The following DUSP5 variants were observed in gnomAD, a reference collection of about 807,000 sequenced individuals.
DUSP5 encodes dual specificity phosphatase 5, also known as dual specificity protein phosphatase 5.
A neutral mutation model predicts 33.6 loss-of-function variants in DUSP5; 22 were observed. The observed-to-expected ratio is 0.66, with a 90% CI of 0.47 to 0.94. The LOEUF is 0.94. Among genes scored for constraint, DUSP5 ranks in the 40% least tolerant of loss-of-function variants. The pLI is 0.00. For missense variants in DUSP5, 551 were observed against 522.1 expected, an observed-to-expected ratio of 1.06 and a Z score of -0.54; for synonymous variants, 270 against 231.1, an observed-to-expected ratio of 1.17 and a Z score of -1.53.
Position 110,502,981 on chromosome 10 carries a change from T to C in DUSP5, c.528+112T>C, listed in dbSNP as rs533212275. On this transcript the variant is annotated intron_variant, in intron 2 of 3. Transcript: ENST00000369583. ...CCCACTCAGCAATGATGGTTAGTTC[T>C]TTTGTGGATCAGGGTGTTGGCAAAA... 20 of 1,431,632 alleles carry C rather than the reference T, an allele frequency of 1.4e-5. No homozygotes were observed. The African/African-American group carries it at 2.3e-4, about 16-fold the overall frequency. 88.7% of individuals were successfully genotyped at this position (1,431,632 alleles called of 1,614,324 possible). A position where few individuals can be genotyped will look rare whatever the true frequency, so the allele number is the denominator to read the frequency against.
chr10:110,509,802 G>A (rs896906704), intron 3 of DUSP5, among the ~76,000 whole-genome samples: 3 of 152,150 alleles, frequency 2.0e-5, no homozygotes, highest in Non-Finnish European at 2.9e-5. Context: ...GCTGTAAACT[G>A]TAAAGGTCCT....
chr10:110,498,322 C>T lies in DUSP5; in HGVS notation c.201C>T (p.Pro67=), dbSNP rs753917795. 2.2e-6 allele frequency: 3 copies of T among 1,369,664 alleles called. No homozygotes were observed. The highest frequency in any genetic ancestry group is 2.8e-6 in the Non-Finnish European group (3 of 1,064,372). 84.8% of individuals were successfully genotyped at this position (1,369,664 alleles called of 1,614,324 possible). A position where few individuals can be genotyped will look rare whatever the true frequency, so the allele number is the denominator to read the frequency against. Reference sequence around the variant, plus strand: ...CGGTGTCGGCGCGCTACGTGCTGCCCGACGAGGCGGCGCGCGCGCGGCTCC... The same window carrying T: ...CGGTGTCGGCGCGCTACGTGCTGCCTGACGAGGCGGCGCGCGCGCGGCTCC... The part of the protein sequence containing the change: ...GGAVSARYVL[P]DEAARARLLQ... Residue 67 remains proline, a synonymous_variant, in exon 1 of 4, where the codon CCC becomes CCT. Transcript: ENST00000369583.
chr10:110,502,265 A>T (rs1328826447), intron 1 of DUSP5, among the ~76,000 whole-genome samples: 1 of 152,178 alleles, frequency 6.6e-6, no homozygotes, highest in Non-Finnish European at 1.5e-5. Context: ...TTATAAATGG[A>T]GGAGGTTCCA....
rs768380350 is a variant in DUSP5, at chr10:110,510,331, T to G, written c.1060T>G (p.Cys354Gly). Residue 354 changes from cysteine to glycine, a missense_variant, in exon 4 of 4, where the codon TGC becomes GGC. Coordinates refer to ENST00000369583, the MANE Select transcript of DUSP5 (RefSeq NM_004419.4). ...TLSPDMQGAY[C>G]TFPASVLAPV... ...GAGCCCTGACATGCAGGGTGCCTAC[T>G]GCACATTCCCTGCCTCGGTGCTGGC... The G allele has an allele frequency of 6.2e-7, 1 of 1,614,200 alleles. No individual in the cohort carries two copies. Among genetic ancestry groups the G allele is most frequent in the South Asian group, 1.1e-5 (1 of 91,078 alleles).
rs1859975154 is a variant in DUSP5 at position 110,497,947 on chromosome 10, A to G, written c.-175A>G. ...GAGCGGCCGGGCTGGCTATCGAGCGAGCGGGGCGGGAACGCGGAGTTGCGC... is the reference window on the plus strand; with the variant it reads ...GAGCGGCCGGGCTGGCTATCGAGCGGGCGGGGCGGGAACGCGGAGTTGCGC... On this transcript the variant is annotated 5_prime_UTR_variant, in exon 1 of 4. Transcript: ENST00000369583. 2.8e-6 allele frequency: 1 copy of G among 358,324 alleles called. No homozygotes were observed. Among genetic ancestry groups the G allele is most frequent in the Non-Finnish European group, 3.9e-6 (1 of 257,316 alleles). The allele number at this position is 358,324 out of a possible 1,614,324, so 22.2% of individuals were successfully genotyped here.
chr10:110,498,784 G>A (rs1859998372), intron 1 of DUSP5, among the ~76,000 whole-genome samples: 1 of 152,116 alleles, frequency 6.6e-6, no homozygotes, highest in Admixed American at 6.5e-5. Flanking sequence ...CAGTTTGGGG[G>A]CCGTCGGCTC....
intron 2 of DUSP5, among the ~76,000 whole-genome samples, chr10:110,505,133 T>C (rs972161936): frequency 6.6e-5 from 10 of 152,212 alleles, no homozygotes. Context: ...ATTTTTTCCT[T>C]CCTGTCTTTA....
rs771329852 is a variant in DUSP5, at chr10:110,506,956, C to G, written c.550C>G (p.Pro184Ala). The change falls in exon 3 of 4, where the codon CCC becomes GCC. Residue 184 changes from proline to alanine, a missense_variant. This residue lies in a region of DUSP5 where 381 missense variants were observed against 310.4 expected (regional missense o/e 1.23). Transcript: ENST00000369583. ...CCAGGGTGGCCCAGTTGAAATCCTT[C>G]CCTTCCTCTACCTTGGAAGTGCCTA... ...YDQGGPVEIL[P>A]FLYLGSAYHA... is the part of the protein sequence containing the mutation. The G allele has an allele frequency of 6.2e-6, 10 of 1,614,162 alleles. No homozygotes were observed. The highest frequency in any genetic ancestry group is 2.2e-5 in the East Asian group (1 of 44,884).
chr10:110,498,572 C>A, intron 1 of DUSP5, 72 bp downstream of exon 1: 2 of 1,351,618 alleles, frequency 1.5e-6, no homozygotes, highest in South Asian at 1.7e-5. Flanking sequence ...CCGGGGCGCC[C>A]TCCTACACCC....
chr10:110,500,513 C>T (rs982049356), intron 1 of DUSP5, among the ~76,000 whole-genome samples: 16 of 152,216 alleles, frequency 1.1e-4, no homozygotes, highest in African/African-American at 3.6e-4. Context: ...GATAGGAGTT[C>T]AGGTTTTAAT....
intron 1 of DUSP5, 32 bp from the exon 2 acceptor site, chr10:110,502,686 TACC>T: frequency 1.9e-6 from 3 of 1,605,696 alleles, no homozygotes; most frequent in Non-Finnish European, 2.6e-6. Flanking sequence ...AATTGATGCT[TACC>T]ATCTGTCTCA....
rs1395059031 is a variant in DUSP5 at position 110,502,736 on chromosome 10, T to A, written c.395T>A (p.Phe132Tyr). ...GTTTTTGTAGGGGGATATGAGACTT[T>A]CTACTCGGAATATCCTGAGTGTTGC... The part of the protein sequence containing the change: ...VYFLKGGYET[F>Y]YSEYPECCVD... Residue 132 changes from phenylalanine to tyrosine, a missense_variant, in exon 2 of 4, where the codon TTC (phenylalanine) becomes TAC (tyrosine). Physicochemically the swap from Phe to Tyr is conservative, Grantham distance 22. This residue lies in a region of DUSP5 where 381 missense variants were observed against 310.4 expected (regional missense o/e 1.23). Coordinates refer to ENST00000369583, the MANE Select transcript of DUSP5 (RefSeq NM_004419.4). 7 of 1,613,976 alleles carry A rather than the reference T, an allele frequency of 4.3e-6. No individual in the cohort carries two copies. In the South Asian group the frequency reaches 7.7e-5, roughly 18 times the overall value.
At chr10:110,508,437 C>T (rs770914234) in intron 3 of DUSP5, among the ~76,000 whole-genome samples, 25 of 152,172 alleles carry the variant, frequency 1.6e-4, no homozygotes, top group Admixed American at 2.0e-4. Context: ...TGTATTGTGT[C>T]TGTGTACGCA....
At chr10:110,498,709 C>T (rs577822804) in intron 1 of DUSP5, among the ~76,000 whole-genome samples, 14 of 152,342 alleles carry the variant, frequency 9.2e-5, no homozygotes, top group African/African-American at 3.4e-4. Flanking sequence ...CGAAAGCGCC[C>T]GGCAGCGGGT....
chr10:110,510,281 C>T lies in DUSP5; in HGVS notation c.1010C>T (p.Ser337Leu), dbSNP rs760738832. Residue 337 changes from serine to leucine, a missense_variant, in exon 4 of 4, where the codon TCA becomes TTA. Coordinates refer to ENST00000369583, the MANE Select transcript of DUSP5 (RefSeq NM_004419.4). Reference sequence around the variant, plus strand: ...TGCCAAGGGGAGGCAGCAGGCTCTTCACTGATAGGCCATTTGCAGACACTG... The same window carrying T: ...TGCCAAGGGGAGGCAGCAGGCTCTTTACTGATAGGCCATTTGCAGACACTG... ...PSCQGEAAGS[S>L]LIGHLQTLSP... The T allele has an allele frequency of 1.2e-6, 2 of 1,614,074 alleles. No homozygotes were observed. Among genetic ancestry groups the T allele is most frequent in the Non-Finnish European group, 1.7e-6 (2 of 1,180,048 alleles).
Position 110,498,086 on chromosome 10 carries a change from C to G in DUSP5, c.-36C>G. The G allele has an allele frequency of 8.6e-7, 1 of 1,167,426 alleles. No individual in the cohort carries two copies. Among genetic ancestry groups the G allele is most frequent in the Non-Finnish European group, 1.0e-6 (1 of 952,820 alleles). The allele number at this position is 1,167,426 out of a possible 1,614,324, so 72.3% of individuals were successfully genotyped here. On this transcript the variant is annotated 5_prime_UTR_variant, in exon 1 of 4. Transcript: ENST00000369583. ...CCTGGCCGTGGGCACCCGCGGGGCGCGCGGCGCGGGGCCGCTGGCCGGCGG... is the reference window on the plus strand; with the variant it reads ...CCTGGCCGTGGGCACCCGCGGGGCGGGCGGCGCGGGGCCGCTGGCCGGCGG...
chr10:110,498,135 C>G lies in DUSP5; in HGVS notation c.14C>G (p.Ser5Trp). 1 of 1,440,384 alleles carries G rather than the reference C, an allele frequency of 6.9e-7. No homozygotes were observed. Among genetic ancestry groups the G allele is most frequent in the Non-Finnish European group, 9.2e-7 (1 of 1,090,612 alleles). 89.2% of individuals were successfully genotyped at this position (1,440,384 alleles called of 1,614,324 possible). A position where few individuals can be genotyped will look rare whatever the true frequency, so the allele number is the denominator to read the frequency against. The change falls in exon 1 of 4, where the codon TCG (serine) becomes TGG (tryptophan). Residue 5 changes from serine to tryptophan, a missense_variant. This residue lies in a region of DUSP5 where 381 missense variants were observed against 310.4 expected (regional missense o/e 1.23). Transcript: ENST00000369583. MKVT[S>W]LDGRQLRKML... ...GGCGGCGGCGGCATGAAGGTCACGT[C>G]GCTCGACGGGCGCCAGCTGCGCAAG...
chr10:110,503,908 C>T (rs1285181554), intron 2 of DUSP5, among the ~76,000 whole-genome samples: 2 of 152,230 alleles, frequency 1.3e-5, no homozygotes, highest in African/African-American at 4.8e-5. Context: ...AAAATGCCAG[C>T]TCCCTGCCAT....
chr10:110,498,649 A>C (rs536560046), intron 1 of DUSP5, 149 bp downstream of exon 1: 1 of 1,242,132 alleles, frequency 8.1e-7, no homozygotes, highest in Non-Finnish European at 1.0e-6. Flanking sequence ...TTGGGAGGGC[A>C]CTGCAAATGT....
Sources: gnomAD v4.1 joint callset for allele counts (sites outside exome capture counted in the v4.1 genomes callset) on GRCh38, gnomAD v4.1.1 for gene constraint, gnomAD v4.1.1 regional missense constraint, MANE v1.5 for transcripts, NCBI Gene and HGNC (gene_info 2026-07-23, HGNC 2026-07-21) for gene names.